Variants in UBXN8 observed in about 807,000 individuals in gnomAD.
UBXN8 encodes UBX domain-containing protein 8.
A neutral mutation model predicts 32.1 loss-of-function variants in UBXN8; 27 were observed. The ratio of observed to expected loss-of-function variants is 0.84; its 90% CI spans 0.62 to 1.16. The LOEUF is 1.16. UBXN8 is among the 50% of genes most tolerant of loss of function. The pLI is 0.00. For missense variants in UBXN8, 306 were observed against 311.4 expected (o/e 0.98, Z 0.13); for synonymous variants, 109 against 111.8 (o/e 0.98, Z 0.16).
At chr8:30,739,196 T>C (rs1805135970), upstream of UBXN8, among the ~76,000 whole-genome samples, 1 of 150,708 alleles carries the variant, frequency 6.6e-6, no homozygotes, top group Non-Finnish European at 1.5e-5. Flanking sequence ...AACTACTCTA[T>C]ATCTTGACTG....
upstream of UBXN8, chr8:30,732,293 C>T (rs192548376): frequency 4.4e-4 from 176 of 398,142 alleles, no homozygotes; most frequent in African/African-American, 3.3e-3. Context: ...GCCAAGAGAA[C>T]AGATGCTCTA....
At chr8:30,742,371 G>A (rs977455396), upstream of UBXN8, among the ~76,000 whole-genome samples, 1 of 152,224 alleles carries the variant, frequency 6.6e-6, no homozygotes, top group East Asian at 1.9e-4. Flanking sequence ...TATTTTTAGA[G>A]ACAGGGTCTC....
At chr8:30,765,372 T>A (rs13249031) in intron 7 of UBXN8, among the ~76,000 whole-genome samples, 1 of 151,996 alleles carries the variant, frequency 6.6e-6, no homozygotes, top group Admixed American at 6.6e-5. Context: ...CTCCCCGGAC[T>A]CAGGTGATCC....
At chr8:30,763,244 G>A in intron 6 of UBXN8, 29 bp from the exon 7 acceptor site, 1 of 1,607,114 alleles carries the variant, frequency 6.2e-7, no homozygotes. Context: ...CAATGGATCG[G>A]AGTTCTTATG....
upstream of UBXN8, chr8:30,744,039 A>T (rs2128752790): frequency 1.5e-6 from 1 of 679,222 alleles, no homozygotes; most frequent in Non-Finnish European, 2.5e-6. Flanking sequence ...CACGGGGCTT[A>T]GCTCCCCCTC....
At chr8:30,738,127 G>T (rs1159705916) in intron 1 of UBXN8, among the ~76,000 whole-genome samples, 1 of 149,666 alleles carries the variant, frequency 6.7e-6, no homozygotes, top group South Asian at 2.1e-4. Context: ...AGAATCTCTC[G>T]ACTTCAAGAA....
At chr8:30,759,289 GC>G (rs1805761382) in intron 5 of UBXN8, among the ~76,000 whole-genome samples, 1 of 151,996 alleles carries the variant, frequency 6.6e-6, no homozygotes, top group Non-Finnish European at 1.5e-5. Flanking sequence ...AGGCTGGAGT[GC>G]AGTGGCACAG....
At chr8:30,731,586 T>A (rs1279299645), upstream of UBXN8, among the ~76,000 whole-genome samples, 1 of 151,606 alleles carries the variant, frequency 6.6e-6, no homozygotes, top group Non-Finnish European at 1.5e-5. Flanking sequence ...ACCCTTACGG[T>A]CCCCCGAGAG....
intron 1 of UBXN8, among the ~76,000 whole-genome samples, chr8:30,738,356 T>C (rs1212990697): frequency 1.3e-5 from 2 of 151,274 alleles, no homozygotes; most frequent in Non-Finnish European, 2.9e-5. Context: ...TCTGTCTTTT[T>C]AAAAAATAAT....
At chr8:30,761,035 C>A in intron 6 of UBXN8, 106 bp downstream of exon 6, 1 of 736,864 alleles carries the variant, frequency 1.4e-6, no homozygotes, top group Non-Finnish European at 2.2e-6. Context: ...GAAGTGATAG[C>A]ATAAGTGTTC....
intron 7 of UBXN8, 31 bp downstream of exon 7, chr8:30,763,378 A>G (rs1372250396): frequency 3.7e-6 from 6 of 1,602,806 alleles, no homozygotes; most frequent in Middle Eastern, 1.6e-4. Flanking sequence ...TTTGAGAAAT[A>G]TCTTTGTTGA....
upstream of UBXN8, chr8:30,744,072 T>A: frequency 1.2e-6 from 1 of 852,800 alleles, no homozygotes; most frequent in Non-Finnish European, 1.9e-6. Context: ...GCCGTCAGTA[T>A]TTACCACGTT....
At chr8:30,758,059 C>T (rs1193802150) in intron 5 of UBXN8, among the ~76,000 whole-genome samples, 2 of 151,666 alleles carry the variant, frequency 1.3e-5, no homozygotes, top group Non-Finnish European at 2.9e-5. Flanking sequence ...CCCCACCCAG[C>T]TAATTTTTTT....
intron 1 of UBXN8, chr8:30,733,343 T>C (rs1805009826): frequency 6.6e-6 from 1 of 152,266 alleles, no homozygotes; most frequent in African/African-American, 2.4e-5. Flanking sequence ...ACTCTTGATA[T>C]GCCTTTTTAA....
At chr8:30,732,997 T>C (rs2978309) in exon 1 of UBXN8, 95,604 of 152,260 alleles carry the variant, frequency 0.63, 35,300 homozygotes, top group Non-Finnish European at 0.81. Flanking sequence ...CGTATAACCA[T>C]TGAAGTTTGT....
At chr8:30,734,068 T>C (rs1805024015) in intron 1 of UBXN8, 1 of 152,164 alleles carries the variant, frequency 6.6e-6, no homozygotes, top group African/African-American at 2.4e-5. Flanking sequence ...TAGGCCACGA[T>C]CCTGTGCCCA....
chr8:30,731,970 G>A (rs183160599), upstream of UBXN8, among the ~76,000 whole-genome samples: 253 of 152,286 alleles, frequency 1.7e-3, 2 homozygotes, highest in Non-Finnish European at 2.5e-3. Context: ...TACCTAACCC[G>A]TACATATTGC....
intron 3 of UBXN8, 178 bp from the exon 4 acceptor site, chr8:30,754,487 G>A (rs565874257): frequency 2.6e-5 from 19 of 734,632 alleles, no homozygotes; most frequent in Middle Eastern, 6.3e-4. Context: ...TGCCTGTCCC[G>A]CTTGCTGTCC....
At chr8:30,759,685 G>T (rs1253470676) in intron 5 of UBXN8, among the ~76,000 whole-genome samples, 1 of 151,512 alleles carries the variant, frequency 6.6e-6, no homozygotes, top group East Asian at 2.0e-4. Flanking sequence ...GGCCGGGTGT[G>T]GTGGCTCACG....
Sources: allele counts gnomAD v4.1 joint callset (sites outside exome capture counted in the v4.1 genomes callset), GRCh38; gene constraint gnomAD v4.1.1; transcripts MANE v1.5; gene names NCBI Gene and HGNC (gene_info 2026-07-23, HGNC 2026-07-21).